The following ZNF254 variants were observed in gnomAD, a reference collection of about 807,000 sequenced individuals.
ZNF254 encodes CTD-2017D11.1.
Under a neutral mutation model 12.4 loss-of-function variants are expected in ZNF254, and 10 were observed. That is an observed-to-expected ratio of 0.80 (90% CI 0.50 to 1.36). The LOEUF is 1.36. Among genes scored for constraint, ZNF254 ranks in the 40% most tolerant of loss-of-function variants. The probability of loss-of-function intolerance (pLI) is 0.00; values close to 1 mark genes in which losing one functional copy is unlikely to be tolerated. For synonymous variants in ZNF254, 305 were observed against 253.4 expected (o/e 1.20, Z -1.93); for missense variants, 996 against 763.9 (o/e 1.30, Z -3.58).
intron 3 of ZNF254, among the ~76,000 whole-genome samples, chr19:24,121,765 C>T (rs565804166): frequency 3.3e-5 from 5 of 152,036 alleles, no homozygotes; most frequent in Admixed American, 6.6e-5. Flanking sequence ...CCATGTTGGC[C>T]GGGCTGGTCT....
chr19:24,097,001 A>G (rs1453683363), intron 1 of ZNF254, among the ~76,000 whole-genome samples: 1 of 152,244 alleles, frequency 6.6e-6, no homozygotes, highest in Non-Finnish European at 1.5e-5. Context: ...CTTGGTCCAC[A>G]TTAAGATAAG....
chr19:24,038,422 T>A (rs1568420148), intron 1 of ZNF254, among the ~76,000 whole-genome samples: 1 of 152,230 alleles, frequency 6.6e-6, no homozygotes, highest in Admixed American at 6.5e-5. Context: ...TGGTGGCTAT[T>A]TGCAATTGAG....
At position 24,046,373 on chromosome 19, in the gene ZNF254, T is replaced by TTTTATATATATATA. The variant is rs1555750840; in HGVS notation, c.-94+95_-94+96insTTATATATATATAT. ...TTGTCTTCCATTATTTTATTATTTT[T>TTTTATATATATATA]TATATATATATATATATATATATAT... is the stretch of plus-strand genomic sequence containing the variant. On this transcript the variant is annotated intron_variant, in intron 2 of 4. Transcript: ENST00000613065. 1.4e-4 allele frequency: 13 copies of TTTTATATATATATA among 95,492 alleles called. No homozygotes were observed. In the South Asian group the frequency reaches 2.4e-3, roughly 17 times the overall value. The allele number at this position is 95,492 out of a possible 1,614,324, so 5.9% of individuals were successfully genotyped here.
chr19:24,087,136 C>T, upstream of ZNF254: 1 of 748,782 alleles, frequency 1.3e-6, no homozygotes, highest in Admixed American at 2.4e-5. Flanking sequence ...GGGAACTGTC[C>T]AATCAGGCAC....
intron 1 of ZNF254, among the ~76,000 whole-genome samples, chr19:24,034,137 AG>A (rs1174280639): frequency 6.6e-6 from 1 of 152,016 alleles, no homozygotes; most frequent in Non-Finnish European, 1.5e-5. Context: ...TTGTATTTCT[AG>A]TAGAGAAGTG....
At chr19:24,044,164 C>T (rs1341642120) in intron 1 of ZNF254, among the ~76,000 whole-genome samples, 1 of 151,106 alleles carries the variant, frequency 6.6e-6, no homozygotes, top group East Asian at 1.9e-4. Context: ...TGCTTGAACC[C>T]GGGAGGCGGA....
chr19:24,063,072 A>G (rs557589889), intron 2 of ZNF254, among the ~76,000 whole-genome samples: 1 of 152,272 alleles, frequency 6.6e-6, no homozygotes, highest in Non-Finnish European at 1.5e-5. Context: ...AAGTGCTGGG[A>G]TTACAGGTGT....
chr19:24,119,638 A>G lies in ZNF254; in HGVS notation c.254-6616A>G, dbSNP rs1463186035. ...TCAGGTAGCTGGGTTACAAGTGTGT[A>G]GCTTCATGTCCTCCCAGTTTTTTTG... On this transcript the variant is annotated intron_variant, in intron 3 of 3. Coordinates refer to ENST00000357002, the MANE Select transcript of ZNF254 (RefSeq NM_203282.4). Among the ~76,000 whole-genome samples the G allele has an allele frequency of 2.6e-5, 4 of 152,196 alleles. No homozygotes were observed. The East Asian group carries it at 7.7e-4, about 29-fold the overall frequency.
At chr19:24,121,191 A>G (rs1974456185) in intron 3 of ZNF254, among the ~76,000 whole-genome samples, 1 of 152,084 alleles carries the variant, frequency 6.6e-6, no homozygotes, top group Non-Finnish European at 1.5e-5. Flanking sequence ...GTTTTACTAC[A>G]TCAAAATTTG....
At chr19:24,100,568 T>A (rs1007380585) in intron 1 of ZNF254, among the ~76,000 whole-genome samples, 3 of 152,162 alleles carry the variant, frequency 2.0e-5, no homozygotes, top group African/African-American at 7.2e-5. Flanking sequence ...AAACTAATAA[T>A]GTCACACTGG....
chr19:24,117,603 T>A (rs1334338876), intron 3 of ZNF254, among the ~76,000 whole-genome samples: 6 of 152,130 alleles, frequency 3.9e-5, no homozygotes, highest in African/African-American at 1.4e-4. Flanking sequence ...CTGTCACCCC[T>A]TTCTTTGACT....
intron 2 of ZNF254, chr19:24,078,963 T>G (rs985678185): frequency 5.3e-5 from 8 of 152,228 alleles, no homozygotes; most frequent in Admixed American, 2.6e-4. Context: ...AGATTACGGA[T>G]TGGGTTAAGA....
chr19:24,082,662 A>C (rs553674870), upstream of ZNF254, among the ~76,000 whole-genome samples: 8 of 144,856 alleles, frequency 5.5e-5, no homozygotes, highest in South Asian at 2.3e-4. Context: ...AAAAACAAAA[A>C]AAAAAAACCC....
intron 2 of ZNF254, among the ~76,000 whole-genome samples, chr19:24,057,441 C>A (rs146995897): frequency 6.6e-6 from 1 of 152,126 alleles, no homozygotes; most frequent in Non-Finnish European, 1.5e-5. Flanking sequence ...GCCACAGGTA[C>A]GATTATGGGT....
chr19:24,038,568 T>G (rs547656067), intron 1 of ZNF254, among the ~76,000 whole-genome samples: 1 of 152,300 alleles, frequency 6.6e-6, no homozygotes, highest in Admixed American at 6.5e-5. Flanking sequence ...ATAATTATGT[T>G]TCTCTAAGTT....
chr19:24,113,210 C>T (rs541979080), intron 3 of ZNF254, among the ~76,000 whole-genome samples: 261 of 152,202 alleles, frequency 1.7e-3, no homozygotes, highest in African/African-American at 5.9e-3. Context: ...TTACCAAAGC[C>T]GGGCAGAGAC....
chr19:24,102,297 G>A (rs183876776), intron 1 of ZNF254, among the ~76,000 whole-genome samples: 13 of 150,556 alleles, frequency 8.6e-5, no homozygotes, highest in African/African-American at 3.2e-4. Context: ...AAACCTTAAG[G>A]GATTTGTTTA....
At position 24,126,515 on chromosome 19, in the gene ZNF254, CTAAGA is replaced by C. The variant is rs765278647; in HGVS notation, c.521_525del (p.Ile174ThrfsTer3). 3.1e-6 allele frequency: 5 copies of C among 1,595,420 alleles called. No homozygotes were observed. The highest frequency in any genetic ancestry group is 4.3e-6 in the Non-Finnish European group (5 of 1,174,306). Reference sequence around the variant, plus strand: ...TATAAATTTTTAAATTCAAACAGACCTAAGATAAGACATACTGAAAAGAAATCTTT... The same window carrying C: ...TATAAATTTTTAAATTCAAACAGACCTAAGACATACTGAAAAGAAATCTTT... On this transcript the variant is annotated frameshift_variant, in exon 4 of 4. Coordinates refer to ENST00000357002, the MANE Select transcript of ZNF254 (RefSeq NM_203282.4). LOFTEE classifies it low-confidence loss of function (END_TRUNC).
chr19:24,123,649 C>T (rs1490371979), intron 3 of ZNF254, among the ~76,000 whole-genome samples: 1 of 152,086 alleles, frequency 6.6e-6, no homozygotes, highest in Non-Finnish European at 1.5e-5. Context: ...CACAAATATA[C>T]ACAAATTTTT....
Sources: gnomAD v4.1 joint callset for allele counts (sites outside exome capture counted in the v4.1 genomes callset) on GRCh38, gnomAD v4.1.1 for gene constraint, MANE v1.5 for transcripts, NCBI Gene and HGNC (gene_info 2026-07-23, HGNC 2026-07-21) for gene names.